Variants in FAT1 observed in about 807,000 individuals in gnomAD.
FAT1 encodes the protein FAT atypical cadherin 1.
A neutral mutation model predicts 329.8 loss-of-function variants in FAT1; 171 were observed. The ratio of observed to expected loss-of-function variants is 0.52; its 90% CI spans 0.46 to 0.59. The LOEUF (loss-of-function observed/expected upper bound fraction) is 0.59, where lower values mean the gene tolerates loss of function less well. Ranked by LOEUF, FAT1 falls within the 20% of genes least tolerant of loss-of-function variation. The pLI, the probability that FAT1 is intolerant of heterozygous loss-of-function variation, is 0.00. For missense variants in FAT1, 5,672 were observed against 5,774.4 expected (o/e 0.98, Z 0.57); for synonymous variants, 2,233 against 2,228.6 (o/e 1.00, Z -0.06).
chr4:186,710,177 A>T (rs1053344221), intron 1 of FAT1, among the ~76,000 whole-genome samples: 1 of 152,214 alleles, frequency 6.6e-6, no homozygotes, highest in Admixed American at 6.5e-5. Context: ...TTAAATCGTT[A>T]AGGCAAATAT....
In FAT1 at chr4:186,647,327, G is replaced by A. The variant is rs1197282406; in HGVS notation, c.3581-7544C>T. ...CTGGATACTCACAGCAACCCTAGAA[G>A]GGAGCTACCAATACACACTACCTTT... On this transcript the variant is annotated intron_variant, in intron 3 of 26. Coordinates refer to ENST00000441802, the MANE Select transcript of FAT1 (RefSeq NM_005245.4). Among the ~76,000 whole-genome samples, 5 of 152,140 alleles carry A rather than the reference G, an allele frequency of 3.3e-5. No homozygotes were observed. The East Asian group carries it at 9.6e-4, about 29-fold the overall frequency.
chr4:186,708,142 C>T lies in FAT1; in HGVS notation c.1686G>A (p.Leu562=), dbSNP rs149119136. The change falls in exon 2 of 27, where the codon TTG becomes TTA. Residue 562 remains leucine, a synonymous_variant. Coordinates refer to ENST00000441802, the MANE Select transcript of FAT1 (RefSeq NM_005245.4). ...EVLATITLNN[L]NDNTPLFEKI... ...TCTCAAACAAAGGTGTGTTGTCATT[C>T]AAGTTATTGAGAGTAATTGTAGCAA... 39 of 1,613,912 alleles carry T rather than the reference C, an allele frequency of 2.4e-5. No homozygotes were observed. The African/African-American group carries it at 4.7e-4, about 19-fold the overall frequency.
Position 186,603,218 on chromosome 4 carries a change from CA to C in FAT1, c.11307del (p.Phe3769LeufsTer2), listed in dbSNP as rs777434907. 6.2e-7 allele frequency: 1 copy of C among 1,613,694 alleles called. No individual in the cohort carries two copies. The highest frequency in any genetic ancestry group is 2.2e-5 in the East Asian group (1 of 44,876). ...MSTHSTARLS[F>X]VTPRHHRAAV... Reference sequence around the variant, plus strand: ...GCTGCCCTGTGGTGGCGGGGAGTCACAAAACTCAGTCTGGCTGTGCTGTGTG... The same window carrying C: ...GCTGCCCTGTGGTGGCGGGGAGTCACAAACTCAGTCTGGCTGTGCTGTGTG... On this transcript the variant is annotated frameshift_variant, in exon 19 of 27. Transcript: ENST00000441802. LOFTEE classifies it high-confidence loss of function.
At position 186,637,033 on chromosome 4, in the gene FAT1, CA is replaced by C. The variant is rs3830339; in HGVS notation, c.3643-120del. 487,727 of 853,482 alleles carry C rather than the reference CA, an allele frequency of 0.57. 142,946 individuals carry two copies. The highest frequency in any genetic ancestry group is 0.81 in the African/African-American group (47,710 of 58,816). The allele number at this position is 853,482 out of a possible 1,614,324, so 52.9% of individuals were successfully genotyped here. A position where few individuals can be genotyped will look rare whatever the true frequency, so the allele number is the denominator to read the frequency against. On this transcript the variant is annotated intron_variant, in intron 4 of 26. Transcript: ENST00000441802. ...CTCTGCATTTTGCAGGGCACGATGACAACATACACAGCAGATCTTCATTCCA... is the reference window on the plus strand; with the variant it reads ...CTCTGCATTTTGCAGGGCACGATGACACATACACAGCAGATCTTCATTCCA...
intron 12 of FAT1, 31 bp downstream of exon 12, chr4:186,614,160 C>A (rs755924305): frequency 6.4e-7 from 1 of 1,563,192 alleles, no homozygotes; most frequent in East Asian, 2.3e-5. Flanking sequence ...TTGGAATATA[C>A]AATTTATTTT....
intron 3 of FAT1, among the ~76,000 whole-genome samples, chr4:186,643,269 G>C (rs908283423): frequency 6.6e-6 from 1 of 152,136 alleles, no homozygotes; most frequent in African/African-American, 2.4e-5. Flanking sequence ...CTACTCAGGA[G>C]GCATAATTCA....
intron 2 of FAT1, among the ~76,000 whole-genome samples, chr4:186,693,902 G>T (rs1743910161): frequency 6.6e-6 from 1 of 152,090 alleles, no homozygotes; most frequent in African/African-American, 2.4e-5. Context: ...TTCCTCACAA[G>T]ATTCAACCTC....
chr4:186,724,707 A>C (rs925589199), upstream of FAT1, among the ~76,000 whole-genome samples: 1 of 152,176 alleles, frequency 6.6e-6, no homozygotes, highest in African/African-American at 2.4e-5. The surrounding 1 kb of genome is among the most constrained non-coding windows in gnomAD (Gnocchi z 5.3). Flanking sequence ...CGGTGCGGGC[A>C]GGGCTCCAGC....
rs1436843901 is a variant in FAT1, at chr4:186,604,439, C to G, written c.10486G>C (p.Val3496Leu). 7 of 1,613,982 alleles carry G rather than the reference C, an allele frequency of 4.3e-6. No individual in the cohort carries two copies. Among genetic ancestry groups the G allele is most frequent in the Non-Finnish European group, 1.7e-6 (2 of 1,179,882 alleles). ...TTGATGGCAGATGATGTCAGGAGGA[C>G]TCCTTGCGGGTTAACTTCAAAAGCC... ...EKAFEVNPQG[V>L]LLTSSAIKRK... is the part of the protein sequence containing the mutation. The change falls in exon 18 of 27, where the codon GTC (valine) becomes CTC (leucine). Residue 3496 changes from valine (V) to leucine (L), a missense_variant. Physicochemically the swap from Val to Leu is conservative, Grantham distance 32. Coordinates refer to ENST00000441802, the MANE Select transcript of FAT1 (RefSeq NM_005245.4).
At chr4:186,696,094 G>A (rs1244172445) in intron 2 of FAT1, among the ~76,000 whole-genome samples, 1 of 152,024 alleles carries the variant, frequency 6.6e-6, no homozygotes, top group African/African-American at 2.4e-5. Context: ...CCCGGCCATA[G>A]GCCCTAGAAC....
At chr4:186,590,948 T>C (rs910311409) in intron 26 of FAT1, among the ~76,000 whole-genome samples, 1 of 152,240 alleles carries the variant, frequency 6.6e-6, no homozygotes, top group African/African-American at 2.4e-5. Flanking sequence ...TGCTTTAATA[T>C]TGACACTGTG....
chr4:186,672,569 T>A (rs1260419783), intron 2 of FAT1, among the ~76,000 whole-genome samples: 1 of 152,184 alleles, frequency 6.6e-6, no homozygotes, highest in African/African-American at 2.4e-5. Flanking sequence ...GATGGCAACA[T>A]AACAGCATAC....
At chr4:186,680,586 A>G (rs1462169835) in intron 2 of FAT1, among the ~76,000 whole-genome samples, 1 of 152,160 alleles carries the variant, frequency 6.6e-6, no homozygotes, top group Admixed American at 6.5e-5. Flanking sequence ...ATAAAGCTCC[A>G]AGACCACCGT....
In FAT1 at chr4:186,628,375, T is replaced by G. The variant is rs766019067; in HGVS notation, c.4600-11A>C. On this transcript the variant is annotated splice_polypyrimidine_tract_variant and intron_variant, in intron 8 of 26. Coordinates refer to ENST00000441802, the MANE Select transcript of FAT1 (RefSeq NM_005245.4). ...ATCTTGATCTCGTACCTAAAAAGAA[T>G]TGACACATTATCAATCCCATTGGTG... 2.5e-6 allele frequency: 4 copies of G among 1,611,564 alleles called. No homozygotes were observed. Among genetic ancestry groups the G allele is most frequent in the Non-Finnish European group, 3.4e-6 (4 of 1,178,458 alleles).
chr4:186,597,384 T>C (rs1738584607), intron 24 of FAT1: 1 of 602,602 alleles, frequency 1.7e-6, no homozygotes, highest in East Asian at 2.8e-5. Flanking sequence ...TTTTGATGTA[T>C]ATTTGGGAAG....
rs574549604 is a variant in FAT1, at chr4:186,608,664, G to A, written c.10206+519C>T. ...CACAAATGCTCATACCCTAGTGCCT[G>A]AGGCATCAGGTCCAAACCTCTGGTC... On this transcript the variant is annotated intron_variant, in intron 16 of 26. Transcript: ENST00000441802. 6.2e-4 allele frequency among the ~76,000 whole-genome samples: 95 copies of A among 152,302 alleles called. 2 individuals are homozygous for A. The South Asian group carries it at 0.013, about 21-fold the overall frequency.
At chr4:186,693,140 C>A (rs1210439829) in intron 2 of FAT1, among the ~76,000 whole-genome samples, 1 of 152,170 alleles carries the variant, frequency 6.6e-6, no homozygotes, top group East Asian at 1.9e-4. Context: ...CATGTTTGAA[C>A]AGTATGACAA....
intron 7 of FAT1, among the ~76,000 whole-genome samples, chr4:186,633,220 T>C (rs1740670228): frequency 6.6e-6 from 1 of 152,138 alleles, no homozygotes; most frequent in South Asian, 2.1e-4. Context: ...AATTACCAGA[T>C]AGGAACAAAT....
chr4:186,721,026 A>G (rs1745447465), intron 1 of FAT1, among the ~76,000 whole-genome samples: 1 of 152,234 alleles, frequency 6.6e-6, no homozygotes, highest in Non-Finnish European at 1.5e-5. Context: ...AAAATTGGCT[A>G]TAGATAATGC....
Sources: gnomAD v4.1 joint callset for allele counts (sites outside exome capture counted in the v4.1 genomes callset) on GRCh38, gnomAD v4.1.1 for gene constraint, Gnocchi (gnomAD v3.1) non-coding constraint, MANE v1.5 for transcripts, NCBI Gene and HGNC (gene_info 2026-07-23, HGNC 2026-07-21) for gene names.